Variants in ZNF511 observed in about 807,000 individuals in gnomAD.
ZNF511 encodes zinc finger protein 511.
In ZNF511, 26 loss-of-function variants were observed where a neutral mutation model predicts 24.8. That is an observed-to-expected ratio of 1.05 (90% CI 0.77 to 1.46). The LOEUF is 1.46. ZNF511 is among the 40% of genes most tolerant of loss of function. ZNF511 has a pLI of 0.00. For synonymous variants in ZNF511, 144 were observed against 139.6 expected (o/e 1.03, Z -0.22); for missense variants, 358 against 345.0 (o/e 1.04, Z -0.30).
At chr10:133,312,609 C>A (rs1848016955) in intron 5 of ZNF511, 179 bp from the exon 6 acceptor site, 2 of 1,490,474 alleles carry the variant, frequency 1.3e-6, no homozygotes, top group Admixed American at 2.4e-5. Context: ...GGGGACCCCC[C>A]ACAGGAACTA....
intron 4 of ZNF511, 27 bp from the exon 5 acceptor site, chr10:133,311,689 C>T (rs1256138282): frequency 1.9e-6 from 3 of 1,594,418 alleles, no homozygotes; most frequent in Admixed American, 1.7e-5. Context: ...CCGTGCAGGG[C>T]AGTTACTCAC....
intron 2 of ZNF511, 43 bp downstream of exon 2, chr10:133,309,506 G>A (rs368532788): frequency 7.3e-5 from 116 of 1,586,192 alleles, no homozygotes; most frequent in Non-Finnish European, 9.1e-5. Context: ...CTCCTGCGCC[G>A]CCTCCCTGAC....
chr10:133,308,977 G>C lies in ZNF511; in HGVS notation c.34G>C (p.Ala12Pro). 1.6e-6 allele frequency: 2 copies of C among 1,243,528 alleles called. No homozygotes were observed. Among genetic ancestry groups the C allele is most frequent in the Non-Finnish European group, 2.0e-6 (2 of 986,316 alleles). The allele number at this position is 1,243,528 out of a possible 1,614,324, so 77.0% of individuals were successfully genotyped here. The change falls in exon 1 of 6, where the codon GCT (alanine) becomes CCT (proline). Residue 12 changes from alanine (A) to proline (P), a missense_variant. By Grantham distance (27) the Ala-to-Pro change is conservative (BLOSUM62 -1). Coordinates refer to ENST00000361518, the MANE Select transcript of ZNF511 (RefSeq NM_145806.4). Reference protein sequence around the residue: ...QLPPALCARLAAGPGAAEPLP... With the variant: ...QLPPALCARLPAGPGAAEPLP... The stretch of plus-strand genomic sequence containing the variant: ...GCCCCCCGCGCTGTGCGCCCGCCTC[G>C]CTGCGGGGCCCGGGGCGGCGGAGCC...
chr10:133,310,824 C>T (rs1847974788), intron 4 of ZNF511, among the ~76,000 whole-genome samples: 1 of 150,804 alleles, frequency 6.6e-6, no homozygotes, highest in African/African-American at 2.4e-5. Context: ...TTTTTTGAGA[C>T]AGGGTCTTGC....
intron 4 of ZNF511, chr10:133,310,500 G>A: frequency 1.6e-6 from 1 of 612,508 alleles, no homozygotes; most frequent in South Asian, 2.0e-5. Flanking sequence ...GGAGCCCCTG[G>A]CTGCCCAGCT....
intron 1 of ZNF511, 47 bp from the exon 2 acceptor site, chr10:133,309,343 C>T (rs1200549788): frequency 1.9e-6 from 3 of 1,585,646 alleles, no homozygotes; most frequent in East Asian, 2.3e-5. Flanking sequence ...ACGCGGTGGG[C>T]GTGCCGCGAG....
intron 4 of ZNF511, 189 bp downstream of exon 4, chr10:133,310,477 G>T: frequency 1.4e-6 from 1 of 726,306 alleles, no homozygotes. Flanking sequence ...CCCTGCCGAA[G>T]GGAGGCTGGA....
rs1847946292 is a variant in ZNF511, at chr10:133,309,807, T to A, written c.259T>A (p.Cys87Ser). Residue 87 changes from cysteine (C) to serine (S), a missense_variant, in exon 3 of 6, where the codon TGC becomes AGC. Transcript: ENST00000361518. ...CGCGTTTGCCTGCCAGGTGGCCGGCTGCTGCCAGGTGTTCGATGCCCTGGA... is the reference window on the plus strand; with the variant it reads ...CGCGTTTGCCTGCCAGGTGGCCGGCAGCTGCCAGGTGTTCGATGCCCTGGA... ...VPAFACQVAG[C>S]CQVFDALDDY... The A allele has an allele frequency of 1.2e-6, 2 of 1,613,334 alleles. No individual in the cohort carries two copies. Among genetic ancestry groups the A allele is most frequent in the Non-Finnish European group, 1.7e-6 (2 of 1,180,024 alleles).
chr10:133,310,071 G>A (rs1847954152), intron 3 of ZNF511, 93 bp from the exon 4 acceptor site: 2 of 1,609,522 alleles, frequency 1.2e-6, no homozygotes, highest in Non-Finnish European at 1.7e-6. Context: ...GCAAGGCCGG[G>A]GACACCTTTC....
At position 133,311,746 on chromosome 10, in the gene ZNF511, T is replaced by A; in HGVS notation, c.585T>A (p.Ser195Arg). The change falls in exon 5 of 6, where the codon AGT (serine) becomes AGA (arginine). Residue 195 changes from serine (S) to arginine (R), a missense_variant. Ser to Arg is a moderately radical substitution (Grantham distance 110). Coordinates refer to ENST00000361518, the MANE Select transcript of ZNF511 (RefSeq NM_145806.4). ...CCTCAGCAGAAGCCCCAGGGGACAG[T>A]GGAGAGCGGTCAGAAGGGGAGGCCA... ...SPASAEAPGD[S>R]GERSEGEAME... 6.2e-7 allele frequency: 1 copy of A among 1,613,566 alleles called. No homozygotes were observed. The highest frequency in any genetic ancestry group is 8.5e-7 in the Non-Finnish European group (1 of 1,179,960).
At chr10:133,311,892 T>C in intron 5 of ZNF511, 51 bp downstream of exon 5, 1 of 1,613,222 alleles carries the variant, frequency 6.2e-7, no homozygotes, top group South Asian at 1.1e-5. Context: ...TGTTCGGTGC[T>C]GAGGATTCTG....
At chr10:133,310,370 A>T in intron 4 of ZNF511, 82 bp downstream of exon 4, 2 of 1,557,164 alleles carry the variant, frequency 1.3e-6, no homozygotes, top group Non-Finnish European at 1.7e-6. Context: ...ATAGACGGTC[A>T]GACTTATTAA....
chr10:133,309,559 C>A, intron 2 of ZNF511, 96 bp downstream of exon 2: 2 of 1,428,278 alleles, frequency 1.4e-6, no homozygotes, highest in Non-Finnish European at 1.9e-6. Context: ...CTTCCATGTG[C>A]GGCCGCCCCA....
intron 5 of ZNF511, 114 bp from the exon 6 acceptor site, chr10:133,312,674 A>C: frequency 6.3e-7 from 1 of 1,576,218 alleles, no homozygotes; most frequent in Non-Finnish European, 8.6e-7. Flanking sequence ...CCGGCTCTGC[A>C]TTCCGCATGT....
chr10:133,309,495 A>G (rs756999158), intron 2 of ZNF511, 32 bp downstream of exon 2: 1 of 1,599,838 alleles, frequency 6.3e-7, no homozygotes, highest in Non-Finnish European at 8.5e-7. Context: ...AGCCAGTGCT[A>G]CTCCTGCGCC....
chr10:133,309,932 G>A lies in ZNF511; in HGVS notation c.384G>A (p.Glu128=), dbSNP rs1246872131. The A allele has an allele frequency of 1.9e-6, 3 of 1,613,552 alleles. No individual in the cohort carries two copies. The highest frequency in any genetic ancestry group is 2.5e-6 in the Non-Finnish European group (3 of 1,180,034). ...ACCTGCTGGACGCCCACATCCTGGA[G>A]TGGCACGATTCGCTCTTCCAGATCC... ...SGHLLDAHIL[E]WHDSLFQILS... Residue 128 remains glutamate, a synonymous_variant, in exon 3 of 6, where the codon GAG becomes GAA. Coordinates refer to ENST00000361518, the MANE Select transcript of ZNF511 (RefSeq NM_145806.4).
chr10:133,310,871 G>A (rs1439769533), intron 4 of ZNF511, among the ~76,000 whole-genome samples: 1 of 151,942 alleles, frequency 6.6e-6, no homozygotes, highest in Non-Finnish European at 1.5e-5. Flanking sequence ...GTGTGATGTA[G>A]GTTCACTGCA....
Position 133,309,930 on chromosome 10 carries a change from G to C in ZNF511, c.382G>C (p.Glu128Gln), listed in dbSNP as rs1847949919. 6.2e-7 allele frequency: 1 copy of C among 1,613,434 alleles called. No homozygotes were observed. The highest frequency in any genetic ancestry group is 1.3e-5 in the African/African-American group (1 of 74,942). ...SGHLLDAHIL[E>Q]WHDSLFQILS... ...ACACCTGCTGGACGCCCACATCCTG[G>C]AGTGGCACGATTCGCTCTTCCAGAT... The change falls in exon 3 of 6, where the codon GAG becomes CAG. Residue 128 changes from glutamate (E) to glutamine (Q), a missense_variant. Glu to Gln is a conservative substitution (Grantham distance 29, BLOSUM62 2). Coordinates refer to ENST00000361518, the MANE Select transcript of ZNF511 (RefSeq NM_145806.4).
Position 133,311,762 on chromosome 10 carries a change from G to A in ZNF511, c.601G>A (p.Gly201Arg). 3.1e-6 allele frequency: 5 copies of A among 1,613,786 alleles called. No individual in the cohort carries two copies. The highest frequency in any genetic ancestry group is 2.2e-5 in the East Asian group (1 of 44,882). The change falls in exon 5 of 6, where the codon GGG becomes AGG. Residue 201 changes from glycine to arginine, a missense_variant. By Grantham distance (125) the Gly-to-Arg change is moderately radical. Coordinates refer to ENST00000361518, the MANE Select transcript of ZNF511 (RefSeq NM_145806.4). ...AGGGGACAGTGGAGAGCGGTCAGAAGGGGAGGCCATGGAAATCTGCTCTGA... is the reference window on the plus strand; with the variant it reads ...AGGGGACAGTGGAGAGCGGTCAGAAAGGGAGGCCATGGAAATCTGCTCTGA... ...APGDSGERSE[G>R]EAMEICSEPV... is the part of the protein sequence containing the mutation.
Sources: allele counts gnomAD v4.1 joint callset (sites outside exome capture counted in the v4.1 genomes callset), GRCh38; gene constraint gnomAD v4.1.1; transcripts MANE v1.5; gene names NCBI Gene and HGNC (gene_info 2026-07-23, HGNC 2026-07-21).